The following ARL6IP6 variants were observed in gnomAD, a reference collection of about 807,000 sequenced individuals.
ARL6IP6 encodes ARF like GTPase 6 interacting protein 6, also known as ADP-ribosylation factor-like protein 6-interacting protein 6.
Under a neutral mutation model 21.5 loss-of-function variants are expected in ARL6IP6, and 22 were observed. The ratio of observed to expected loss-of-function variants is 1.02; its 90% CI spans 0.73 to 1.46. ARL6IP6 has a LOEUF of 1.46. Ranked by LOEUF, ARL6IP6 falls within the 40% of genes most tolerant of loss-of-function variation. The pLI is 0.00. For synonymous variants in ARL6IP6, 164 were observed against 125.3 expected (o/e 1.31, Z -2.06); for missense variants, 388 against 299.8 (o/e 1.29, Z -2.17).
rs1464683240 is a variant in ARL6IP6 at position 152,755,229 on chromosome 2, C to CT, written c.588-4518_588-4517insT. 2.6e-5 allele frequency among the ~76,000 whole-genome samples: 4 copies of CT among 152,296 alleles called. No homozygotes were observed. In the East Asian group the frequency reaches 7.8e-4, roughly 30 times the overall value. ...CAGCATCTGCGAAGACACGCGTTGC[C>CT]AAGCGGACCATGGTCTAGCGGTAGC... On this transcript the variant is annotated intron_variant, in intron 3 of 3. Coordinates refer to ENST00000326446, the MANE Select transcript of ARL6IP6 (RefSeq NM_152522.7).
chr2:152,718,712 T>C lies in ARL6IP6; in HGVS notation c.88T>C (p.Ser30Pro). ...CCCTGTGGCTCGGCCATCGTATTCC[T>C]CCTTTACTCAGGGGGACAGCTGGGG... The part of the protein sequence containing the change: ...PGPVARPSYS[S>P]FTQGDSWGEG... The change falls in exon 1 of 4, where the codon TCC (serine) becomes CCC (proline). Residue 30 changes from serine (S) to proline (P), a missense_variant. By Grantham distance (74) the Ser-to-Pro change is moderately conservative. Coordinates refer to ENST00000326446, the MANE Select transcript of ARL6IP6 (RefSeq NM_152522.7). 2 of 1,607,718 alleles carry C rather than the reference T, an allele frequency of 1.2e-6. No individual in the cohort carries two copies. Among genetic ancestry groups the C allele is most frequent in the Non-Finnish European group, 1.7e-6 (2 of 1,176,916 alleles).
chr2:152,738,406 C>T (rs1002575408), intron 3 of ARL6IP6, among the ~76,000 whole-genome samples: 2 of 152,224 alleles, frequency 1.3e-5, no homozygotes, highest in African/African-American at 2.4e-5. Flanking sequence ...GGCTCCCACC[C>T]CACATTTCCC....
At chr2:152,755,766 G>A (rs1701560502) in intron 3 of ARL6IP6, among the ~76,000 whole-genome samples, 1 of 152,132 alleles carries the variant, frequency 6.6e-6, no homozygotes, top group Non-Finnish European at 1.5e-5. Flanking sequence ...GGTGGTAGTG[G>A]TCCCCCGGGC....
chr2:152,720,598 A>C lies in ARL6IP6; in HGVS notation c.454+12A>C, dbSNP rs1360387988. 1 of 1,610,698 alleles carries C rather than the reference A, an allele frequency of 6.2e-7. No individual in the cohort carries two copies. Reference sequence around the variant, plus strand: ...CACTGGACTATTAGGTATGGACTTAATTGCCGCTTGCTTTGGTTTTGAGCT... The same window carrying C: ...CACTGGACTATTAGGTATGGACTTACTTGCCGCTTGCTTTGGTTTTGAGCT... On this transcript the variant is annotated intron_variant, in intron 2 of 3. Coordinates refer to ENST00000326446, the MANE Select transcript of ARL6IP6 (RefSeq NM_152522.7).
upstream of ARL6IP6, chr2:152,717,679 C>T: frequency 7.1e-7 from 1 of 1,412,630 alleles, no homozygotes. Flanking sequence ...GCCGAGTCCT[C>T]CGTCGGGAAA....
chr2:152,728,036 G>A (rs1700124360), intron 2 of ARL6IP6, among the ~76,000 whole-genome samples: 1 of 152,078 alleles, frequency 6.6e-6, no homozygotes, highest in Non-Finnish European at 1.5e-5. Context: ...GTTTACATAT[G>A]TATAGTCATT....
intron 3 of ARL6IP6, among the ~76,000 whole-genome samples, chr2:152,743,132 C>G (rs1367595278): frequency 7.2e-6 from 1 of 138,658 alleles, no homozygotes; most frequent in Non-Finnish European, 1.6e-5. Flanking sequence ...ATTGTTTTCT[C>G]CTAGTACCTG....
intron 3 of ARL6IP6, among the ~76,000 whole-genome samples, chr2:152,750,167 C>T (rs1701256636): frequency 6.6e-6 from 1 of 151,978 alleles, no homozygotes; most frequent in Admixed American, 6.6e-5. Flanking sequence ...TTTCTTGCTA[C>T]CTGGGATACT....
In ARL6IP6 at chr2:152,718,800, T is replaced by C; in HGVS notation, c.176T>C (p.Phe59Ser). 1 of 1,607,658 alleles carries C rather than the reference T, an allele frequency of 6.2e-7. No individual in the cohort carries two copies. The highest frequency in any genetic ancestry group is 8.5e-7 in the Non-Finnish European group (1 of 1,176,980). Residue 59 changes from phenylalanine to serine, a missense_variant, in exon 1 of 4, where the codon TTC (phenylalanine) becomes TCC (serine). By Grantham distance (155) the Phe-to-Ser change is radical (BLOSUM62 -2). Transcript: ENST00000326446. ...GTGGCCCGCGACCTGCGGGCGGAGT[T>C]CTCGGCTGGGGCGTGGTCAGAGCCC... ...DQVARDLRAEFSAGAWSEPRK... is the reference protein window; with the variant it reads ...DQVARDLRAESSAGAWSEPRK...
At chr2:152,720,467 A>C (rs368998612) in intron 1 of ARL6IP6, 66 bp from the exon 2 acceptor site, 1 of 1,503,420 alleles carries the variant, frequency 6.7e-7, no homozygotes, top group Non-Finnish European at 9.3e-7. Flanking sequence ...ATGCCTTCAC[A>C]GCCCTTGAGT....
Position 152,735,247 on chromosome 2 carries a change from T to C in ARL6IP6, c.587+121T>C, listed in dbSNP as rs1391852763. 2.2e-5 allele frequency: 23 copies of C among 1,033,670 alleles called. No homozygotes were observed. The Admixed American group carries it at 5.1e-4, about 23-fold the overall frequency. 64.0% of individuals were successfully genotyped at this position (1,033,670 alleles called of 1,614,324 possible). A position where few individuals can be genotyped will look rare whatever the true frequency, so the allele number is the denominator to read the frequency against. On this transcript the variant is annotated intron_variant, in intron 3 of 3. Coordinates refer to ENST00000326446, the MANE Select transcript of ARL6IP6 (RefSeq NM_152522.7). ...TGAGGTTTCAGTCTTTATAAAGCAC[T>C]AATAACAGGACTTTTCAGCTTGTAG...
At chr2:152,756,197 T>C (rs1301566069) in intron 3 of ARL6IP6, among the ~76,000 whole-genome samples, 1 of 152,162 alleles carries the variant, frequency 6.6e-6, no homozygotes, top group Non-Finnish European at 1.5e-5. Context: ...CTTCTAAGAG[T>C]TTTATAGTCT....
intron 3 of ARL6IP6, among the ~76,000 whole-genome samples, chr2:152,743,323 AAATGATAAC>A (rs1700903007): frequency 6.6e-6 from 1 of 152,212 alleles, no homozygotes; most frequent in Non-Finnish European, 1.5e-5. Flanking sequence ...CTTAGTGGAA[AAATGATAAC>A]ATGAGTGATG....
Position 152,728,794 on chromosome 2 carries a change from C to T in ARL6IP6, c.455-6200C>T, listed in dbSNP as rs149856434. 3.0e-3 allele frequency among the ~76,000 whole-genome samples: 464 copies of T among 152,210 alleles called. 4 individuals are homozygous for T. The highest frequency in any genetic ancestry group is 4.7e-3 in the Non-Finnish European group (317 of 67,990). On this transcript the variant is annotated intron_variant, in intron 2 of 3. Transcript: ENST00000326446. The stretch of plus-strand genomic sequence containing the variant: ...TCATTTCATTGGCCAGACGTGGTGG[C>T]GTCTGACTGAAATCCCAGAACTTTG...
intron 2 of ARL6IP6, among the ~76,000 whole-genome samples, chr2:152,729,805 C>G (rs1304456758): frequency 6.6e-6 from 1 of 152,156 alleles, no homozygotes; most frequent in Admixed American, 6.5e-5. Context: ...CTTAGCTGAT[C>G]ACTTTTAGGA....
chr2:152,718,618 T>A (rs563226993), upstream of ARL6IP6: 72 of 1,514,514 alleles, frequency 4.8e-5, 1 homozygote, highest in Admixed American at 6.8e-4. Flanking sequence ...TCGTTGTGTT[T>A]CGCGCCATGT....
intron 3 of ARL6IP6, among the ~76,000 whole-genome samples, chr2:152,755,668 C>G (rs527496834): frequency 0.011 from 1,639 of 152,330 alleles, 20 homozygotes; most frequent in Non-Finnish European, 0.018. Flanking sequence ...GGAGATGAGT[C>G]ACACTCTTTA....
At chr2:152,718,490 C>A, upstream of ARL6IP6, 2 of 1,309,828 alleles carry the variant, frequency 1.5e-6, no homozygotes, top group Non-Finnish European at 1.0e-6. Context: ...CGCCGCCCAC[C>A]CTTGCTCTCC....
intron 3 of ARL6IP6, among the ~76,000 whole-genome samples, chr2:152,751,161 A>T (rs1453534472): frequency 2.0e-5 from 3 of 151,914 alleles, no homozygotes; most frequent in African/African-American, 4.8e-5. Context: ...TTGAATGGAA[A>T]TTTTTTAATT....
Sources: allele counts gnomAD v4.1 joint callset (sites outside exome capture counted in the v4.1 genomes callset), GRCh38; gene constraint gnomAD v4.1.1; transcripts MANE v1.5; gene names NCBI Gene and HGNC (gene_info 2026-07-23, HGNC 2026-07-21).